The following TYW1 variants were observed in gnomAD, a reference collection of about 807,000 sequenced individuals.
TYW1 encodes tRNA-yW synthesizing protein 1 homolog.
In TYW1, 46 loss-of-function variants were observed where a neutral mutation model predicts 96.2. The observed-to-expected ratio is 0.48, with a 90% CI of 0.38 to 0.61. The LOEUF is 0.61. Among genes scored for constraint, TYW1 ranks in the 20% least tolerant of loss-of-function variants. TYW1 has a pLI of 0.00. For missense variants in TYW1, 684 were observed against 909.6 expected (o/e 0.75, Z 3.19); for synonymous variants, 274 against 323.0 (o/e 0.85, Z 1.63).
At chr7:67,075,689 A>G (rs1238089793) in intron 10 of TYW1, among the ~76,000 whole-genome samples, 2 of 152,258 alleles carry the variant, frequency 1.3e-5, no homozygotes, top group African/African-American at 4.8e-5. Flanking sequence ...CTGTAGAGAC[A>G]GAAAGTAGAA....
At chr7:67,001,710 G>A (rs900185252) in intron 3 of TYW1, among the ~76,000 whole-genome samples, 4 of 150,694 alleles carry the variant, frequency 2.7e-5, no homozygotes, top group South Asian at 2.1e-4. Context: ...GTGAGCCACC[G>A]CGCCCAGCCT....
intron 15 of TYW1, among the ~76,000 whole-genome samples, chr7:67,209,893 C>T (rs1800943090): frequency 6.6e-6 from 1 of 151,738 alleles, no homozygotes; most frequent in Non-Finnish European, 1.5e-5. Context: ...TTTCAATAGA[C>T]TTTATGTTTT....
chr7:67,180,891 A>C (rs1420247755), intron 13 of TYW1, among the ~76,000 whole-genome samples: 1 of 151,706 alleles, frequency 6.6e-6, no homozygotes, highest in Non-Finnish European at 1.5e-5. Context: ...TGAGCCACCC[A>C]CCTCGGCCTC....
Position 67,195,259 on chromosome 7 carries a change from G to T in TYW1, c.1899G>T (p.Glu633Asp). ...AGGAAGTGGTACAGTTTGTCCACGA[G>T]TTGGTGGATCTGATCCCCGAATATG... ...WHEEVVQFVH[E>D]LVDLIPEYEI... The change falls in exon 15 of 16, where the codon GAG (glutamate) becomes GAT (aspartate). Residue 633 changes from glutamate (E) to aspartate (D), a missense_variant. Physicochemically the swap from Glu to Asp is conservative, Grantham distance 45. Transcript: ENST00000359626. 6.3e-7 allele frequency: 1 copy of T among 1,598,186 alleles called. No homozygotes were observed. The highest frequency in any genetic ancestry group is 8.6e-7 in the Non-Finnish European group (1 of 1,168,884).
At chr7:67,040,790 G>C (rs1348882566) in intron 7 of TYW1, among the ~76,000 whole-genome samples, 1 of 151,942 alleles carries the variant, frequency 6.6e-6, no homozygotes, top group Non-Finnish European at 1.5e-5. Flanking sequence ...GTTGTAGTGA[G>C]CCGAGATCAC....
At chr7:67,019,987 A>T (rs1038284044) in intron 6 of TYW1, among the ~76,000 whole-genome samples, 1 of 152,286 alleles carries the variant, frequency 6.6e-6, no homozygotes, top group African/African-American at 2.4e-5. Context: ...GTGATATGAC[A>T]GATGTTTCAT....
chr7:67,066,436 A>G (rs1795871796), intron 9 of TYW1, among the ~76,000 whole-genome samples: 1 of 152,212 alleles, frequency 6.6e-6, no homozygotes, highest in South Asian at 2.1e-4. Context: ...GTACCAACTT[A>G]TATGACTCGT....
intron 13 of TYW1, among the ~76,000 whole-genome samples, chr7:67,171,370 T>C (rs933672833): frequency 2.0e-5 from 3 of 152,144 alleles, no homozygotes; most frequent in African/African-American, 7.2e-5. Context: ...TTTTCTGTTC[T>C]CTATTTCTTT....
chr7:67,129,358 C>T (rs1302847988), intron 13 of TYW1, among the ~76,000 whole-genome samples: 4 of 152,186 alleles, frequency 2.6e-5, no homozygotes, highest in African/African-American at 9.7e-5. Context: ...AGGTAAAACT[C>T]ACAAAAGTGT....
At chr7:67,039,781 G>A (rs969199393) in intron 7 of TYW1, among the ~76,000 whole-genome samples, 6 of 150,292 alleles carry the variant, frequency 4.0e-5, no homozygotes, top group African/African-American at 9.8e-5. Flanking sequence ...TTCTGCCTCA[G>A]CCTCCTGAGT....
intron 10 of TYW1, among the ~76,000 whole-genome samples, chr7:67,068,587 A>G (rs1413122014): frequency 6.6e-6 from 1 of 152,088 alleles, no homozygotes; most frequent in Non-Finnish European, 1.5e-5. Context: ...GTTTCTTTTC[A>G]GTTTCCCCTG....
chr7:67,188,000 G>A (rs1462931169), intron 14 of TYW1, among the ~76,000 whole-genome samples: 1 of 152,194 alleles, frequency 6.6e-6, no homozygotes, highest in African/African-American at 2.4e-5. Context: ...ATTAATTAAA[G>A]TTAAAAATTT....
chr7:67,181,491 G>A lies in TYW1; in HGVS notation c.1699-1635G>A, dbSNP rs577657835. ...TGGCTGCCTAATATTCCTTATTAAC[G>A]ATCTCTTAGTTTTCTTCAATGAAGG... On this transcript the variant is annotated intron_variant, in intron 13 of 15. Coordinates refer to ENST00000359626, the MANE Select transcript of TYW1 (RefSeq NM_018264.4). 1.0e-3 allele frequency among the ~76,000 whole-genome samples: 157 copies of A among 152,160 alleles called. 1 individual carries two copies. Among genetic ancestry groups the A allele is most frequent in the Non-Finnish European group, 1.6e-3 (112 of 68,010 alleles).
chr7:67,029,403 G>GTATA (rs1293072032), intron 7 of TYW1, among the ~76,000 whole-genome samples: 15 of 77,006 alleles, frequency 1.9e-4, no homozygotes, highest in Middle Eastern at 7.6e-3. Flanking sequence ...GTGTGTGTGT[G>GTATA]TGTGTGTGTG....
intron 13 of TYW1, among the ~76,000 whole-genome samples, chr7:67,151,023 A>C (rs1429617515): frequency 6.6e-6 from 1 of 151,344 alleles, no homozygotes; most frequent in Non-Finnish European, 1.5e-5. Context: ...TATTCAGCTG[A>C]TTCTTTTCCT....
intron 7 of TYW1, among the ~76,000 whole-genome samples, chr7:67,043,121 C>A (rs1296455798): frequency 6.6e-6 from 1 of 151,938 alleles, no homozygotes; most frequent in Non-Finnish European, 1.5e-5. Flanking sequence ...CAGATAGCAA[C>A]TGAGGCTTAG....
chr7:67,078,286 G>A (rs1796267074), intron 10 of TYW1, among the ~76,000 whole-genome samples: 1 of 151,692 alleles, frequency 6.6e-6, no homozygotes, highest in South Asian at 2.1e-4. Context: ...TAGTAGAGAT[G>A]GGGTTTCACT....
intron 13 of TYW1, among the ~76,000 whole-genome samples, 190 bp downstream of exon 13, chr7:67,117,808 T>A (rs1447704116): frequency 6.6e-6 from 1 of 152,234 alleles, no homozygotes; most frequent in Non-Finnish European, 1.5e-5. Context: ...CATTTACTAT[T>A]TGTTAAATAA....
At chr7:67,062,153 G>A (rs1795713012) in intron 9 of TYW1, among the ~76,000 whole-genome samples, 1 of 152,118 alleles carries the variant, frequency 6.6e-6, no homozygotes, top group African/African-American at 2.4e-5. Context: ...GCTCACCCCT[G>A]TAATTCCAGC....
Sources: allele counts gnomAD v4.1 joint callset (sites outside exome capture counted in the v4.1 genomes callset), GRCh38; gene constraint gnomAD v4.1.1; transcripts MANE v1.5; gene names NCBI Gene and HGNC (gene_info 2026-07-23, HGNC 2026-07-21).